Variants in NTRK3 observed in about 807,000 individuals in gnomAD.
NTRK3 encodes NT-3 growth factor receptor.
In NTRK3, 24 loss-of-function variants were observed where a neutral mutation model predicts 91.7. That is an observed-to-expected ratio of 0.26 (90% CI 0.19 to 0.37). The LOEUF (loss-of-function observed/expected upper bound fraction) is 0.37, where lower values mean the gene tolerates loss of function less well. Among genes scored for constraint, NTRK3 ranks in the 10% least tolerant of loss-of-function variants. The pLI is 1.00. For synonymous variants in NTRK3, 483 were observed against 404.0 expected (o/e 1.20, Z -2.34); for missense variants, 880 against 1,068.9 (o/e 0.82, Z 2.46).
At chr15:88,146,543 A>G (rs893213870) in intron 6 of NTRK3, among the ~76,000 whole-genome samples, 10 of 152,166 alleles carry the variant, frequency 6.6e-5, no homozygotes, top group Admixed American at 2.6e-4. Flanking sequence ...TCCTTCATGC[A>G]CAGAGATGAC....
chr15:88,027,812 A>T (rs1196520309), intron 14 of NTRK3, among the ~76,000 whole-genome samples: 1 of 152,226 alleles, frequency 6.6e-6, no homozygotes, highest in Non-Finnish European at 1.5e-5. Context: ...AATAAACTCA[A>T]AGTCGGGTTT....
chr15:87,871,197 A>G (rs1440863817), exon 19 of NTRK3: 2 of 231,398 alleles, frequency 8.6e-6, no homozygotes, highest in African/African-American at 4.4e-5. Flanking sequence ...GTACACTGAC[A>G]CTTGAACCAA....
chr15:88,026,053 C>T (rs1372839506), intron 14 of NTRK3, among the ~76,000 whole-genome samples: 1 of 152,162 alleles, frequency 6.6e-6, no homozygotes, highest in Non-Finnish European at 1.5e-5. Context: ...GGGTAGATCA[C>T]TAGGTCCAGA....
chr15:87,933,035 A>C (rs767629161), exon 16 of NTRK3: 2 of 1,614,106 alleles, frequency 1.2e-6, no homozygotes, highest in Non-Finnish European at 1.7e-6. Flanking sequence ...TCAGGTCTCC[A>C]TGCTTCATGT....
At chr15:87,945,295 T>C (rs1024794550) in intron 14 of NTRK3, among the ~76,000 whole-genome samples, 4 of 152,234 alleles carry the variant, frequency 2.6e-5, no homozygotes, top group Admixed American at 2.6e-4. Flanking sequence ...AAGCCACCTG[T>C]AGATCTTCTT....
chr15:88,101,396 G>C (rs1039386488), intron 13 of NTRK3, among the ~76,000 whole-genome samples: 5 of 152,212 alleles, frequency 3.3e-5, no homozygotes, highest in African/African-American at 1.2e-4. Flanking sequence ...TGGAGAAATA[G>C]GAACACTTTT....
At chr15:87,962,858 T>C (rs567939746) in intron 14 of NTRK3, among the ~76,000 whole-genome samples, 9 of 152,266 alleles carry the variant, frequency 5.9e-5, no homozygotes, top group African/African-American at 1.7e-4. Flanking sequence ...CTGCAGGACA[T>C]AGAGATTAGA....
At chr15:87,952,639 C>T (rs1170547744) in intron 14 of NTRK3, among the ~76,000 whole-genome samples, 2 of 152,198 alleles carry the variant, frequency 1.3e-5, no homozygotes, top group Admixed American at 6.5e-5. Context: ...CCATTATTCC[C>T]GGCACCATCT....
At chr15:87,878,828 C>T (rs2065076082) in intron 18 of NTRK3, among the ~76,000 whole-genome samples, 3 of 151,884 alleles carry the variant, frequency 2.0e-5, no homozygotes. Flanking sequence ...TCTGTTAAGA[C>T]CAATAGCAAC....
intron 13 of NTRK3, among the ~76,000 whole-genome samples, chr15:88,053,019 T>C (rs2045366302): frequency 6.6e-6 from 1 of 152,204 alleles, no homozygotes; most frequent in Non-Finnish European, 1.5e-5. Flanking sequence ...CCCTCAACAG[T>C]GTCCATTTAT....
intron 17 of NTRK3, among the ~76,000 whole-genome samples, chr15:87,902,272 C>G (rs7163483): frequency 0.016 from 2,477 of 152,314 alleles, 57 homozygotes; most frequent in African/African-American, 0.056. Context: ...CCGTCCCACT[C>G]TTGTAGAAAT....
intron 3 of NTRK3, among the ~76,000 whole-genome samples, chr15:88,244,030 C>T (rs182574228): frequency 1.3e-5 from 2 of 152,306 alleles, no homozygotes; most frequent in African/African-American, 2.4e-5. Flanking sequence ...CAATCCCCAC[C>T]ACACCACCTG....
intron 14 of NTRK3, among the ~76,000 whole-genome samples, chr15:87,968,753 C>T (rs548143719): frequency 4.6e-5 from 7 of 152,178 alleles, no homozygotes; most frequent in African/African-American, 1.7e-4. Flanking sequence ...TGACTAAGAG[C>T]GTGTTTGTAC....
intron 3 of NTRK3, among the ~76,000 whole-genome samples, chr15:88,188,136 C>T (rs2047093959): frequency 6.6e-6 from 1 of 152,140 alleles, no homozygotes; most frequent in Non-Finnish European, 1.5e-5. Context: ...TGCAATTCTG[C>T]AGAGTGCATG....
At chr15:88,212,333 G>T (rs2049328300) in intron 3 of NTRK3, among the ~76,000 whole-genome samples, 1 of 152,180 alleles carries the variant, frequency 6.6e-6, no homozygotes, top group African/African-American at 2.4e-5. Flanking sequence ...TCGCGCCACT[G>T]CACTCCAGCC....
chr15:88,051,945 C>T (rs1201823533), intron 13 of NTRK3, among the ~76,000 whole-genome samples: 5 of 152,116 alleles, frequency 3.3e-5, no homozygotes, highest in Non-Finnish European at 7.4e-5. Flanking sequence ...CTTAATAATG[C>T]AAATAAGGAA....
chr15:87,893,385 C>T (rs535203223), intron 17 of NTRK3, among the ~76,000 whole-genome samples: 4 of 152,274 alleles, frequency 2.6e-5, no homozygotes, highest in South Asian at 4.1e-4. Flanking sequence ...AGAAGGTGTT[C>T]GAAGTCTAGT....
intron 13 of NTRK3, among the ~76,000 whole-genome samples, chr15:88,125,010 T>C (rs534590006): frequency 5.9e-5 from 9 of 152,272 alleles, no homozygotes; most frequent in African/African-American, 1.9e-4. Flanking sequence ...GACAGGGTCT[T>C]TCTTTGTTGC....
At chr15:87,904,154 A>T (rs1378199053) in intron 17 of NTRK3, among the ~76,000 whole-genome samples, 12 of 142,782 alleles carry the variant, frequency 8.4e-5, no homozygotes, top group Admixed American at 1.4e-4. Flanking sequence ...TACAATAAGC[A>T]TTTTTTTTTT....
Sources: allele counts gnomAD v4.1 joint callset (sites outside exome capture counted in the v4.1 genomes callset), GRCh38; gene constraint gnomAD v4.1.1; transcripts MANE v1.5; gene names NCBI Gene and HGNC (gene_info 2026-07-23, HGNC 2026-07-21).